The following CUX2 variants were observed in gnomAD, a reference collection of about 807,000 sequenced individuals.
The protein encoded by CUX2 is cut like homeobox 2.
Under a neutral mutation model 144.8 loss-of-function variants are expected in CUX2, and 40 were observed. The ratio of observed to expected loss-of-function variants is 0.28; its 90% CI spans 0.21 to 0.36. The LOEUF (loss-of-function observed/expected upper bound fraction) is 0.36. Ranked by LOEUF, CUX2 falls within the 10% of genes least tolerant of loss-of-function variation. The pLI is 1.00. For synonymous variants in CUX2, 827 were observed against 875.6 expected (o/e 0.94, Z 0.98); for missense variants, 1,615 against 1,994.0 (o/e 0.81, Z 3.62).
intron 3 of CUX2, among the ~76,000 whole-genome samples, chr12:111,237,124 G>A (rs959387556): frequency 5.3e-5 from 8 of 152,132 alleles, no homozygotes; most frequent in East Asian, 1.9e-4. Flanking sequence ...ACTCCAGCCC[G>A]GGTGACAGAG....
rs551656458 is a variant in CUX2 at position 111,343,926 on chromosome 12, G to T, written c.3659+1873G>T. Among the ~76,000 whole-genome samples the T allele has an allele frequency of 1.4e-4, 22 of 152,194 alleles. No homozygotes were observed. In the South Asian group the frequency reaches 4.4e-3, roughly 30 times the overall value. On this transcript the variant is annotated intron_variant, in intron 21 of 21. Transcript: ENST00000261726. ...AAATACAAAAGTTAGCCAGGCAGGG[G>T]CTTGTAATTCCAGCTACTCAGGAGG...
At chr12:111,120,239 T>G (rs980536390) in intron 1 of CUX2, among the ~76,000 whole-genome samples, 3 of 152,068 alleles carry the variant, frequency 2.0e-5, no homozygotes, top group South Asian at 2.1e-4. Flanking sequence ...TGCCCTGGTG[T>G]TGTGCCCGGG....
At chr12:111,064,761 CTCAT>C (rs1170927700) in intron 1 of CUX2, among the ~76,000 whole-genome samples, 3 of 152,162 alleles carry the variant, frequency 2.0e-5, no homozygotes, top group Non-Finnish European at 4.4e-5. Flanking sequence ...CTGGCTCTGC[CTCAT>C]ATTTGCTGTG....
chr12:111,166,020 T>C (rs1878118160), intron 1 of CUX2, among the ~76,000 whole-genome samples: 1 of 152,122 alleles, frequency 6.6e-6, no homozygotes, highest in Non-Finnish European at 1.5e-5. Flanking sequence ...GACTCTTTTT[T>C]GTTGTTGTTG....
chr12:111,141,422 G>A (rs16941268), intron 1 of CUX2, among the ~76,000 whole-genome samples: 9,829 of 152,096 alleles, frequency 0.065, 579 homozygotes, highest in African/African-American at 0.16. Flanking sequence ...CTAACTCCTC[G>A]GACTAAACAA....
At chr12:111,125,787 G>C (rs1247539120) in intron 1 of CUX2, among the ~76,000 whole-genome samples, 1 of 152,146 alleles carries the variant, frequency 6.6e-6, no homozygotes, top group East Asian at 1.9e-4. Flanking sequence ...TTAGAGAATG[G>C]GCACCCAGGC....
intron 3 of CUX2, among the ~76,000 whole-genome samples, chr12:111,230,100 G>A (rs1032929296): frequency 6.6e-6 from 1 of 150,878 alleles, no homozygotes. Flanking sequence ...CTGCAACAGT[G>A]AGCCATTATC....
At chr12:111,071,842 G>C (rs551531896) in intron 1 of CUX2, among the ~76,000 whole-genome samples, 1 of 152,162 alleles carries the variant, frequency 6.6e-6, no homozygotes. Context: ...CTGTCCAGTT[G>C]TTCCAGCACC....
At chr12:111,225,402 C>T (rs1400357683) in intron 3 of CUX2, among the ~76,000 whole-genome samples, 1 of 152,234 alleles carries the variant, frequency 6.6e-6, no homozygotes, top group Non-Finnish European at 1.5e-5. Flanking sequence ...CGGGCAGGGA[C>T]ATCAGCTGGC....
At chr12:111,119,971 T>C (rs965060009) in intron 1 of CUX2, among the ~76,000 whole-genome samples, 10 of 152,146 alleles carry the variant, frequency 6.6e-5, no homozygotes, top group Non-Finnish European at 1.3e-4. Context: ...GGCAGGAGAA[T>C]AGTTTGCACC....
chr12:111,280,617 G>A (rs77693549), intron 4 of CUX2, among the ~76,000 whole-genome samples: 2,494 of 152,242 alleles, frequency 0.016, 71 homozygotes, highest in African/African-American at 0.056. Context: ...GGCAGAGTTA[G>A]TTCCTTCTGG....
chr12:111,157,994 C>G (rs1592949184), intron 1 of CUX2, among the ~76,000 whole-genome samples: 1 of 152,114 alleles, frequency 6.6e-6, no homozygotes, highest in South Asian at 2.1e-4. Flanking sequence ...AACTGGGACC[C>G]TCAGAAGATG....
intron 10 of CUX2, among the ~76,000 whole-genome samples, chr12:111,306,241 A>C (rs1886574252): frequency 6.6e-6 from 1 of 151,638 alleles, no homozygotes. Flanking sequence ...AATTTAATGT[A>C]TTAATGGCAT....
chr12:111,193,642 G>A (rs1880038928), intron 1 of CUX2, among the ~76,000 whole-genome samples: 1 of 152,194 alleles, frequency 6.6e-6, no homozygotes, highest in African/African-American at 2.4e-5. Context: ...CTGTGAACAG[G>A]CCCCTTGTTC....
chr12:111,316,997 G>A (rs576518878), intron 16 of CUX2, among the ~76,000 whole-genome samples: 16 of 152,218 alleles, frequency 1.1e-4, no homozygotes, highest in South Asian at 4.1e-4. Context: ...GCTACCTTGC[G>A]TCTGGCCTCT....
intron 1 of CUX2, among the ~76,000 whole-genome samples, chr12:111,036,774 G>T (rs909209839): frequency 6.6e-6 from 1 of 152,082 alleles, no homozygotes; most frequent in Admixed American, 6.5e-5. Flanking sequence ...CACACTTCTA[G>T]AAAGCAAAGA....
At chr12:111,135,064 C>A (rs1592928187) in intron 1 of CUX2, among the ~76,000 whole-genome samples, 1 of 152,080 alleles carries the variant, frequency 6.6e-6, no homozygotes, top group Admixed American at 6.6e-5. Context: ...TGATTGAGCA[C>A]CTGCTGTGTG....
chr12:111,118,977 G>C (rs1460447050), intron 1 of CUX2, among the ~76,000 whole-genome samples: 1 of 152,156 alleles, frequency 6.6e-6, no homozygotes, highest in African/African-American at 2.4e-5. Flanking sequence ...AATTGAGAAA[G>C]TTTGCCATGA....
chr12:111,058,220 G>A lies in CUX2; in HGVS notation c.63+23980G>A, dbSNP rs775133047. ...ATTTTTCTTTCTGTCCCCAGACAGT[G>A]TGGCAAGTGTTTTAAAGGGGAAGGA... On this transcript the variant is annotated intron_variant, in intron 1 of 21. Coordinates refer to ENST00000261726, the MANE Select transcript of CUX2 (RefSeq NM_015267.4). Among the ~76,000 whole-genome samples the A allele has an allele frequency of 6.2e-4, 95 of 152,342 alleles. 1 individual carries two copies. Among genetic ancestry groups the A allele is most frequent in the Non-Finnish European group, 1.2e-3 (85 of 68,038 alleles).
Sources: allele counts gnomAD v4.1 joint callset (sites outside exome capture counted in the v4.1 genomes callset), GRCh38; gene constraint gnomAD v4.1.1; transcripts MANE v1.5; gene names NCBI Gene and HGNC (gene_info 2026-07-23, HGNC 2026-07-21).